The following GTF2A1 variants were observed in gnomAD, a reference collection of about 807,000 sequenced individuals.
GTF2A1 encodes transcription initiation factor IIA subunit 1.
In GTF2A1, 12 loss-of-function variants were observed where a neutral mutation model predicts 54.1. The ratio of observed to expected loss-of-function variants is 0.22; its 90% confidence interval spans 0.14 to 0.36. GTF2A1 has a LOEUF of 0.36. Among genes scored for constraint, GTF2A1 ranks in the 10% least tolerant of loss-of-function variants. The probability of loss-of-function intolerance (pLI) is 1.00; values close to 1 mark genes in which losing one functional copy is unlikely to be tolerated. For synonymous variants in GTF2A1, 145 were observed against 152.0 expected (o/e 0.95, Z 0.34); for missense variants, 335 against 442.2 (o/e 0.76, Z 2.17).
intron 2 of GTF2A1, among the ~76,000 whole-genome samples, chr14:81,211,875 T>TTATATATATATATATATATATATATATA (rs757044041): frequency 3.2e-4 from 22 of 68,460 alleles, no homozygotes; most frequent in African/African-American, 5.0e-4. Flanking sequence ...ATCAAGTACT[T>TTATATATATATATATATATATATATATA]TATATATATA....
rs377373748 is a variant in GTF2A1 at position 81,216,393 on chromosome 14, T to A, written c.132+20A>T. 7.7e-5 allele frequency: 81 copies of A among 1,053,146 alleles called. No individual in the cohort carries two copies. The highest frequency in any genetic ancestry group is 3.3e-4 in the African/African-American group (21 of 63,094). 65.2% of individuals were successfully genotyped at this position (1,053,146 alleles called of 1,614,324 possible). A position where few individuals can be genotyped will look rare whatever the true frequency, so the allele number is the denominator to read the frequency against. On this transcript the variant is annotated intron_variant, in intron 2 of 8. Coordinates refer to ENST00000553612, the MANE Select transcript of GTF2A1 (RefSeq NM_015859.4). Reference sequence around the variant, plus strand: ...TTGTGGGGGAAAAGTAGGAATATTTTAAAAAAAAGACAAACTCACAGTTTT... The same window carrying A: ...TTGTGGGGGAAAAGTAGGAATATTTAAAAAAAAAGACAAACTCACAGTTTT...
Position 81,201,662 on chromosome 14 carries a change from CA to C in GTF2A1, c.338-5del. On this transcript the variant is annotated splice_polypyrimidine_tract_variant and splice_region_variant and intron_variant, in intron 3 of 8. Coordinates refer to ENST00000553612, the MANE Select transcript of GTF2A1 (RefSeq NM_015859.4). ...ACAATAACTTGTGGTGCTGTGGCTA[CA>C]AAAAAACAAGCGAACATGCAAACAA... 8 of 1,603,132 alleles carry C rather than the reference CA, an allele frequency of 5.0e-6. No individual in the cohort carries two copies. The highest frequency in any genetic ancestry group is 1.7e-4 in the Middle Eastern group (1 of 6,032).
chr14:81,209,401 CT>C (rs1469252830), intron 2 of GTF2A1, among the ~76,000 whole-genome samples: 1 of 152,164 alleles, frequency 6.6e-6, no homozygotes, highest in Non-Finnish European at 1.5e-5. Context: ...CCAATTAAAC[CT>C]TTTTTTGTTT....
intron 2 of GTF2A1, among the ~76,000 whole-genome samples, chr14:81,207,942 G>A (rs533945133): frequency 4.0e-4 from 61 of 152,314 alleles, no homozygotes; most frequent in African/African-American, 1.3e-3. Flanking sequence ...GAAGCATTCC[G>A]TTTTAAAAGG....
Position 81,211,873 on chromosome 14 carries a change from CTT to C in GTF2A1, c.132+4538_132+4539del, listed in dbSNP as rs1555390534. Among the ~76,000 whole-genome samples the C allele has an allele frequency of 1.5e-3, 150 of 99,158 alleles. 10 individuals carry two copies. Among genetic ancestry groups the C allele is most frequent in the African/African-American group, 3.2e-3 (53 of 16,578 alleles). 65.1% of individuals were successfully genotyped at this position (99,158 alleles called of 152,430 possible). ...ACACATAATTAGAGTGTATCAAGTA[CTT>C]TATATATATATATATATATATATAT... On this transcript the variant is annotated intron_variant, in intron 2 of 8. Transcript: ENST00000553612.
chr14:81,220,084 T>C (rs1274168877), intron 1 of GTF2A1, among the ~76,000 whole-genome samples: 1 of 151,748 alleles, frequency 6.6e-6, no homozygotes, highest in Non-Finnish European at 1.5e-5. Context: ...CACACAGTTT[T>C]TGTTCTGTAG....
rs1459028812 is a variant in GTF2A1, at chr14:81,178,453, A to G, written c.*1770T>C. The G allele has an allele frequency of 1.3e-5, 2 of 152,156 alleles. No homozygotes were observed. Among genetic ancestry groups the G allele is most frequent in the African/African-American group, 4.8e-5 (2 of 41,440 alleles). The allele number at this position is 152,156 out of a possible 1,614,324, so 9.4% of individuals were successfully genotyped here. On this transcript the variant is annotated 3_prime_UTR_variant, in exon 9 of 9. Transcript: ENST00000553612. ...AAACTTCCCCTCAAAAAACTAAATTAATATAGTCAAAATAAAAGCTGTATT... is the reference window on the plus strand; with the variant it reads ...AAACTTCCCCTCAAAAAACTAAATTGATATAGTCAAAATAAAAGCTGTATT...
chr14:81,202,838 A>G (rs745513577), intron 3 of GTF2A1: 2 of 499,716 alleles, frequency 4.0e-6, no homozygotes, highest in African/African-American at 3.9e-5. Context: ...GTCATCAAAA[A>G]AGAATAAAAG....
chr14:81,220,610 G>T lies in GTF2A1; in HGVS notation c.-92C>A. ...AAAAAAACTATAACACCCGGAGGGT[G>T]ACCCAAATCACCGCAAGATTGGGGA... On this transcript the variant is annotated 5_prime_UTR_variant, in exon 1 of 9. Transcript: ENST00000553612. 9.5e-7 allele frequency: 1 copy of T among 1,049,076 alleles called. No individual in the cohort carries two copies. The highest frequency in any genetic ancestry group is 1.6e-5 in the South Asian group (1 of 61,768). The allele number at this position is 1,049,076 out of a possible 1,614,324, so 65.0% of individuals were successfully genotyped here. A position where few individuals can be genotyped will look rare whatever the true frequency, so the allele number is the denominator to read the frequency against.
intron 8 of GTF2A1, 47 bp downstream of exon 8, chr14:81,185,484 A>C (rs1159754276): frequency 9.6e-7 from 1 of 1,037,010 alleles, no homozygotes; most frequent in Non-Finnish European, 1.5e-6. Flanking sequence ...TGTAGGGAAG[A>C]AATTACAACA....
At chr14:81,190,106 T>TATA (rs1892843474) in intron 7 of GTF2A1, among the ~76,000 whole-genome samples, 3 of 152,066 alleles carry the variant, frequency 2.0e-5, no homozygotes, top group Non-Finnish European at 4.4e-5. Context: ...GTTAATCAAC[T>TATA]TGAAAATTTA....
At position 81,220,874 on chromosome 14, in the gene GTF2A1, GT is replaced by G. The variant is rs1247830171; in HGVS notation, c.-357del. The G allele has an allele frequency of 3.8e-6, 1 of 261,142 alleles. No homozygotes were observed. The highest frequency in any genetic ancestry group is 2.2e-5 in the African/African-American group (1 of 44,792). The allele number at this position is 261,142 out of a possible 1,614,324, so 16.2% of individuals were successfully genotyped here. ...GCCGCCACCGGCTGCAGCTCCAGCC[GT>G]CCGGTCCGCCCGCTTCTCTCCTTTA... is the stretch of plus-strand genomic sequence containing the variant. On this transcript the variant is annotated 5_prime_UTR_variant, in exon 1 of 9. Coordinates refer to ENST00000553612, the MANE Select transcript of GTF2A1 (RefSeq NM_015859.4).
intron 2 of GTF2A1, among the ~76,000 whole-genome samples, chr14:81,208,060 T>C (rs981006742): frequency 6.6e-6 from 1 of 152,182 alleles, no homozygotes; most frequent in Non-Finnish European, 1.5e-5. Flanking sequence ...TTTGCATAAG[T>C]AGCAAGAAGC....
rs1477303400 is a variant in GTF2A1 at position 81,178,089 on chromosome 14, C to T, written c.*2134G>A. The T allele has an allele frequency of 1.3e-5, 2 of 152,040 alleles. No homozygotes were observed. The highest frequency in any genetic ancestry group is 1.9e-4 in the East Asian group (1 of 5,200). The allele number at this position is 152,040 out of a possible 1,614,324, so 9.4% of individuals were successfully genotyped here. A position where few individuals can be genotyped will look rare whatever the true frequency, so the allele number is the denominator to read the frequency against. On this transcript the variant is annotated 3_prime_UTR_variant, in exon 9 of 9. Transcript: ENST00000553612. ...TATTTGAAAAATAAAGTTATAAAAA[C>T]AGGCCAGTATACAACACTACTATGA...
intron 2 of GTF2A1, among the ~76,000 whole-genome samples, chr14:81,211,900 T>TATATATATATATATATATATAC (rs1465112782): frequency 3.2e-5 from 4 of 126,862 alleles, no homozygotes; most frequent in African/African-American, 1.1e-4. Flanking sequence ...TATATATATA[T>TATATATATATATATATATATAC]ATATATATAA....
At chr14:81,211,875 T>TCATATATATACATATATATA (rs1419902730) in intron 2 of GTF2A1, among the ~76,000 whole-genome samples, 2 of 68,488 alleles carry the variant, frequency 2.9e-5, no homozygotes, top group African/African-American at 1.0e-4. Context: ...ATCAAGTACT[T>TCATATATATACATATATATA]TATATATATA....
intron 5 of GTF2A1, chr14:81,197,127 G>C (rs1220809599): frequency 1.3e-5 from 3 of 234,074 alleles, no homozygotes; most frequent in Non-Finnish European, 8.3e-6. Flanking sequence ...AATGTGTTCA[G>C]TAAAAAACTA....
chr14:81,214,607 C>T (rs1893445943), intron 2 of GTF2A1, among the ~76,000 whole-genome samples: 1 of 151,140 alleles, frequency 6.6e-6, no homozygotes, highest in Non-Finnish European at 1.5e-5. Context: ...GATAGCACCA[C>T]TGCACTCCAG....
At chr14:81,210,836 T>G (rs535979487) in intron 2 of GTF2A1, among the ~76,000 whole-genome samples, 2 of 152,252 alleles carry the variant, frequency 1.3e-5, no homozygotes, top group Non-Finnish European at 1.5e-5. Context: ...ATTACAGGCA[T>G]GAGACACCGC....
Sources: gnomAD v4.1 joint callset for allele counts (sites outside exome capture counted in the v4.1 genomes callset) on GRCh38, gnomAD v4.1.1 for gene constraint, MANE v1.5 for transcripts, NCBI Gene and HGNC (gene_info 2026-07-23, HGNC 2026-07-21) for gene names.